Variants in SORCS2 observed in about 807,000 individuals in gnomAD.
SORCS2 encodes sortilin related VPS10 domain containing receptor 2, also known as VPS10 domain-containing receptor SorCS2.
SORCS2 carries 100 observed loss-of-function variants against 141.6 expected under a neutral mutation model. The ratio of observed to expected loss-of-function variants is 0.71; its 90% confidence interval spans 0.60 to 0.83. The LOEUF (loss-of-function observed/expected upper bound fraction) is 0.83. SORCS2 is among the 40% of genes least tolerant of loss of function. The probability of loss-of-function intolerance (pLI) is 0.00; values close to 1 mark genes in which losing one functional copy is unlikely to be tolerated. For synonymous variants in SORCS2, 789 were observed against 676.9 expected, an observed-to-expected ratio of 1.17 and a Z score of -2.57; for missense variants, 1,646 against 1,560.2, an observed-to-expected ratio of 1.05 and a Z score of -0.93.
intron 1 of SORCS2, among the ~76,000 whole-genome samples, chr4:7,199,960 G>C (rs550229177): frequency 1.3e-5 from 2 of 152,214 alleles, no homozygotes; most frequent in Non-Finnish European, 2.9e-5. Context: ...AGGGGTTATG[G>C]GATAGAAACT....
At chr4:7,632,245 A>G (rs1719940215) in intron 3 of SORCS2, among the ~76,000 whole-genome samples, 1 of 149,252 alleles carries the variant, frequency 6.7e-6, no homozygotes, top group Non-Finnish European at 1.5e-5. Context: ...GAATCTGTCA[A>G]GCATTTCTCT....
At chr4:7,446,976 A>G (rs1161300447) in intron 2 of SORCS2, among the ~76,000 whole-genome samples, 1 of 152,182 alleles carries the variant, frequency 6.6e-6, no homozygotes, top group Non-Finnish European at 1.5e-5. Context: ...GCTGTCTCTG[A>G]GCCTGGCTCA....
At chr4:7,379,541 G>T (rs1011309806) in intron 1 of SORCS2, among the ~76,000 whole-genome samples, 3 of 152,236 alleles carry the variant, frequency 2.0e-5, no homozygotes, top group Non-Finnish European at 4.4e-5. Flanking sequence ...TCACAAATGA[G>T]TTTCTTGTGT....
intron 2 of SORCS2, among the ~76,000 whole-genome samples, chr4:7,421,374 G>A (rs958165228): frequency 1.3e-5 from 2 of 152,212 alleles, no homozygotes; most frequent in Non-Finnish European, 2.9e-5. Flanking sequence ...TCCTGGCTCT[G>A]CCTCTTGTTA....
intron 1 of SORCS2, among the ~76,000 whole-genome samples, chr4:7,288,280 G>A (rs550420837): frequency 1.3e-5 from 2 of 152,214 alleles, no homozygotes; most frequent in South Asian, 2.1e-4. Context: ...GAAATTCGGG[G>A]CCTTGCTGAG....
intron 1 of SORCS2, among the ~76,000 whole-genome samples, chr4:7,244,802 C>T (rs1014781466): frequency 6.6e-6 from 1 of 152,238 alleles, no homozygotes; most frequent in African/African-American, 2.4e-5. Context: ...GCAGCCGGGA[C>T]AGGCTGCTCA....
intron 2 of SORCS2, among the ~76,000 whole-genome samples, chr4:7,439,131 C>A (rs985861913): frequency 2.0e-5 from 3 of 152,058 alleles, no homozygotes; most frequent in African/African-American, 7.2e-5. Flanking sequence ...TGAGTGAAAA[C>A]CTTACCTCTT....
At chr4:7,219,504 TCA>T (rs1342211835) in intron 1 of SORCS2, among the ~76,000 whole-genome samples, 6 of 152,164 alleles carry the variant, frequency 3.9e-5, no homozygotes, top group Non-Finnish European at 5.9e-5. Flanking sequence ...TTTAATTGAC[TCA>T]CAGTTTGGCA....
intron 3 of SORCS2, among the ~76,000 whole-genome samples, chr4:7,619,697 A>C (rs1719022813): frequency 6.6e-6 from 1 of 152,140 alleles, no homozygotes; most frequent in African/African-American, 2.4e-5. Flanking sequence ...AACAACCTTC[A>C]GTGGGTTTCC....
At chr4:7,560,238 C>T (rs185956005) in intron 3 of SORCS2, among the ~76,000 whole-genome samples, 2 of 152,232 alleles carry the variant, frequency 1.3e-5, no homozygotes, top group East Asian at 1.9e-4. Flanking sequence ...GGCAGACTCT[C>T]GGGATTTGAC....
rs146491229 is a variant in SORCS2, at chr4:7,383,448, G to A, written c.481-12840G>A. 1.1e-3 allele frequency among the ~76,000 whole-genome samples: 164 copies of A among 152,292 alleles called. 1 individual carries two copies. The highest frequency in any genetic ancestry group is 3.7e-3 in the African/African-American group (155 of 41,546). Reference sequence around the variant, plus strand: ...GGCACCTCTGTTCAGACATGACAGCGTTGTTTCTAAAGAGAAATTCTTGGA... The same window carrying A: ...GGCACCTCTGTTCAGACATGACAGCATTGTTTCTAAAGAGAAATTCTTGGA... On this transcript the variant is annotated intron_variant, in intron 1 of 26. Coordinates refer to ENST00000507866, the MANE Select transcript of SORCS2 (RefSeq NM_020777.3).
chr4:7,524,742 G>A (rs7659246), intron 2 of SORCS2, among the ~76,000 whole-genome samples: 3,672 of 152,036 alleles, frequency 0.024, 99 homozygotes, highest in East Asian at 0.11. Context: ...CCTGGCCTCC[G>A]CAGCACCCTG....
intron 25 of SORCS2, 92 bp from the exon 26 acceptor site, chr4:7,736,977 C>T (rs938568464): frequency 4.0e-6 from 6 of 1,496,008 alleles, no homozygotes; most frequent in Non-Finnish European, 5.4e-6. Context: ...GTGCACCACA[C>T]TCGGTGTGGT....
intron 1 of SORCS2, among the ~76,000 whole-genome samples, chr4:7,372,448 A>G (rs4689108): frequency 0.2 from 30,848 of 151,934 alleles, 3,643 homozygotes; most frequent in African/African-American, 0.33. Flanking sequence ...CTGGGATTAC[A>G]GGCACCTGCT....
chr4:7,649,142 C>A (rs941840663), intron 4 of SORCS2, among the ~76,000 whole-genome samples: 1 of 152,176 alleles, frequency 6.6e-6, no homozygotes, highest in Non-Finnish European at 1.5e-5. Flanking sequence ...TTAGCAAAGG[C>A]CTGACCCGGG....
intron 24 of SORCS2, among the ~76,000 whole-genome samples, chr4:7,733,897 A>ACGCAC (rs1159681612): frequency 6.6e-6 from 1 of 152,130 alleles, no homozygotes; most frequent in Middle Eastern, 3.2e-3. Context: ...GCCACACAGG[A>ACGCAC]CGCACTCCTG....
chr4:7,703,797 C>A (rs975024500), intron 13 of SORCS2, among the ~76,000 whole-genome samples: 4 of 152,332 alleles, frequency 2.6e-5, no homozygotes. Flanking sequence ...ACAGCCGGAG[C>A]AGCTGCCAGG....
intron 1 of SORCS2, among the ~76,000 whole-genome samples, chr4:7,387,626 T>C (rs1723490575): frequency 1.1e-5 from 1 of 89,240 alleles, no homozygotes; most frequent in Admixed American, 1.1e-4. Flanking sequence ...CATACACATT[T>C]GCACACACGC....
At chr4:7,578,053 C>T (rs1715884321) in intron 3 of SORCS2, among the ~76,000 whole-genome samples, 1 of 152,116 alleles carries the variant, frequency 6.6e-6, no homozygotes, top group Admixed American at 6.5e-5. Context: ...GGAGGGAGGC[C>T]TAGTGGGAGA....
Sources: gnomAD v4.1 joint callset for allele counts (sites outside exome capture counted in the v4.1 genomes callset) on GRCh38, gnomAD v4.1.1 for gene constraint, MANE v1.5 for transcripts, NCBI Gene and HGNC (gene_info 2026-07-23, HGNC 2026-07-21) for gene names.